RC3H2: variants seen among roughly 807,000 people sequenced by gnomAD.
RC3H2 encodes roquin-2.
RC3H2 carries 31 observed loss-of-function variants against 133.3 expected under a neutral mutation model. That is an observed-to-expected ratio of 0.23 (90% CI 0.17 to 0.31). The LOEUF (loss-of-function observed/expected upper bound fraction) is 0.31. Among genes scored for constraint, RC3H2 ranks in the 10% least tolerant of loss-of-function variants. The pLI is 1.00. For synonymous variants in RC3H2, 517 were observed against 502.2 expected (o/e 1.03, Z -0.40); for missense variants, 1,175 against 1,437.2 (o/e 0.82, Z 2.95).
At chr9:122,859,251 GCTTT>G (rs1322644698) in intron 11 of RC3H2, 149 bp from the exon 12 acceptor site, 6 of 307,342 alleles carry the variant, frequency 2.0e-5, no homozygotes, top group South Asian at 9.5e-5. Flanking sequence ...TTATACCCTG[GCTTT>G]TTTTTTTTTT....
At position 122,866,177 on chromosome 9, in the gene RC3H2, A is replaced by C. The variant is rs935844718; in HGVS notation, c.1326-520T>G. 1.3e-4 allele frequency among the ~76,000 whole-genome samples: 20 copies of C among 152,330 alleles called. No homozygotes were observed. In the East Asian group the frequency reaches 3.7e-3, roughly 28 times the overall value. ...CTCATTCTTAAACAAACATTACACA[A>C]AAATAGAAATTCTGTATTATAGTTC... On this transcript the variant is annotated intron_variant, in intron 9 of 20. Transcript: ENST00000357244.
intron 1 of RC3H2, among the ~76,000 whole-genome samples, chr9:122,898,497 C>G (rs1832516193): frequency 6.6e-6 from 1 of 152,120 alleles, no homozygotes; most frequent in East Asian, 1.9e-4. Flanking sequence ...CACCTATAAT[C>G]CCAGCACTTT....
chr9:122,893,419 G>A (rs933813027), intron 2 of RC3H2, among the ~76,000 whole-genome samples: 7 of 152,140 alleles, frequency 4.6e-5, no homozygotes, highest in Admixed American at 1.3e-4. Context: ...TCTTGAACCC[G>A]GGAGGCTGAG....
At chr9:122,858,564 T>C in intron 12 of RC3H2, 105 bp downstream of exon 12, 1 of 915,660 alleles carries the variant, frequency 1.1e-6, no homozygotes, top group Admixed American at 2.5e-5. Flanking sequence ...GTAACTTCCT[T>C]AAGTCACACA....
chr9:122,849,889 C>T, intron 20 of RC3H2, 67 bp from the exon 21 acceptor site: 1 of 1,109,984 alleles, frequency 9.0e-7, no homozygotes, highest in Admixed American at 3.1e-5. Context: ...GGTGACTATA[C>T]ATATTTAATG....
intron 9 of RC3H2, among the ~76,000 whole-genome samples, chr9:122,871,566 G>A (rs542573516): frequency 1.3e-5 from 2 of 151,010 alleles, no homozygotes; most frequent in African/African-American, 4.9e-5. Context: ...CTTGTGATCC[G>A]CCTGCCTCGG....
intron 9 of RC3H2, chr9:122,875,369 T>C (rs2596698): frequency 1 from 1,542,477 of 1,548,996 alleles, 768,246 homozygotes; most frequent in East Asian, 1. Context: ...GGGGTTACAC[T>C]TATGTAAGAT....
At chr9:122,862,574 C>A (rs1264806569) in intron 10 of RC3H2, among the ~76,000 whole-genome samples, 1 of 151,628 alleles carries the variant, frequency 6.6e-6, no homozygotes, top group Non-Finnish European at 1.5e-5. Flanking sequence ...CAACTGTGTT[C>A]CAATAAAAAT....
chr9:122,855,847 T>C lies in RC3H2; in HGVS notation c.2486A>G (p.Glu829Gly). 1 of 1,613,564 alleles carries C rather than the reference T, an allele frequency of 6.2e-7. No individual in the cohort carries two copies. The highest frequency in any genetic ancestry group is 8.5e-7 in the Non-Finnish European group (1 of 1,179,714). ...FSESVSGTKFEEDHLSHYSPW... is the reference protein window; with the variant it reads ...FSESVSGTKFGEDHLSHYSPW... ...AGAATAATGGGAAAGATGATCTTCT[T>C]CAAATTTTGTACCACTCACACTCTC... Residue 829 changes from glutamate to glycine, a missense_variant, in exon 14 of 21, where the codon GAA (glutamate) becomes GGA (glycine). Glu to Gly is a moderately conservative substitution (Grantham distance 98). This residue lies in a region of RC3H2 where 490 missense variants were observed against 492.8 expected (regional missense o/e 0.99). Coordinates refer to ENST00000357244, the MANE Select transcript of RC3H2 (RefSeq NM_001100588.3).
At chr9:122,903,629 C>T (rs913942648) in intron 1 of RC3H2, among the ~76,000 whole-genome samples, 1 of 152,200 alleles carries the variant, frequency 6.6e-6, no homozygotes, top group Non-Finnish European at 1.5e-5. Context: ...ATTAAATCCT[C>T]ATAGAACAAG....
chr9:122,901,818 T>C (rs1027919560), intron 1 of RC3H2, among the ~76,000 whole-genome samples: 2 of 151,986 alleles, frequency 1.3e-5, no homozygotes, highest in Non-Finnish European at 2.9e-5. Flanking sequence ...CTCAAACTCC[T>C]GACCTCGTGA....
intron 3 of RC3H2, among the ~76,000 whole-genome samples, chr9:122,892,649 G>A (rs961492963): frequency 1.3e-5 from 2 of 152,154 alleles, no homozygotes; most frequent in Non-Finnish European, 2.9e-5. Context: ...CTGATCTTGT[G>A]ATCCGCCCGC....
chr9:122,852,081 T>G, intron 18 of RC3H2, among the ~76,000 whole-genome samples: 1 of 147,102 alleles, frequency 6.8e-6, no homozygotes, highest in Admixed American at 6.7e-5. Flanking sequence ...CCATCACATC[T>G]AGGAAGTGAG....
chr9:122,883,740 G>A (rs548260874), intron 4 of RC3H2, among the ~76,000 whole-genome samples: 60 of 152,294 alleles, frequency 3.9e-4, no homozygotes, highest in African/African-American at 1.4e-3. Context: ...CCAGCACGTT[G>A]AGAGGCCGAG....
intron 3 of RC3H2, among the ~76,000 whole-genome samples, chr9:122,892,525 C>T (rs1328624719): frequency 6.6e-6 from 1 of 152,096 alleles, no homozygotes; most frequent in Non-Finnish European, 1.5e-5. Flanking sequence ...CATTCTCCTG[C>T]CTCAGCCTCC....
At chr9:122,886,126 G>C (rs1033063345) in intron 4 of RC3H2, among the ~76,000 whole-genome samples, 1 of 152,120 alleles carries the variant, frequency 6.6e-6, no homozygotes, top group African/African-American at 2.4e-5. Context: ...CTGACCTCAA[G>C]TTATCCACCC....
intron 4 of RC3H2, among the ~76,000 whole-genome samples, chr9:122,884,506 T>G (rs1256107276): frequency 1.3e-5 from 2 of 152,180 alleles, no homozygotes; most frequent in African/African-American, 2.4e-5. Context: ...GCCAAGGATA[T>G]ATGGTATAAT....
chr9:122,853,725 C>T (rs961965129), intron 18 of RC3H2: 10 of 1,195,488 alleles, frequency 8.4e-6, no homozygotes, highest in Non-Finnish European at 1.1e-5. Flanking sequence ...GCACTCCAGG[C>T]GATAGAGCAA....
intron 1 of RC3H2, among the ~76,000 whole-genome samples, chr9:122,899,091 T>G (rs2430382): frequency 0.65 from 12,258 of 18,792 alleles, 3,295 homozygotes; most frequent in Middle Eastern, 0.83. Context: ...CTTTATTGTG[T>G]TTTTTTTTTT....
Sources: gnomAD v4.1 joint callset for allele counts (sites outside exome capture counted in the v4.1 genomes callset) on GRCh38, gnomAD v4.1.1 for gene constraint, gnomAD v4.1.1 regional missense constraint, MANE v1.5 for transcripts, NCBI Gene and HGNC (gene_info 2026-07-23, HGNC 2026-07-21) for gene names.